The following SHROOM3 variants were observed in gnomAD, a reference collection of about 807,000 sequenced individuals.
The protein encoded by SHROOM3 is protein Shroom3.
Under a neutral mutation model 138.6 loss-of-function variants are expected in SHROOM3, and 47 were observed. The observed-to-expected ratio is 0.34, with a 90% CI of 0.27 to 0.43. The LOEUF is 0.43. SHROOM3 is among the 20% of genes least tolerant of loss of function. The pLI is 1.00. For missense variants in SHROOM3, 2,491 were observed against 2,596.5 expected, an observed-to-expected ratio of 0.96 and a Z score of 0.88; for synonymous variants, 1,062 against 1,063.3, an observed-to-expected ratio of 1.00 and a Z score of 0.02.
rs1264595048 is a variant in SHROOM3 at position 76,569,446 on chromosome 4, G to T, written c.323+13683G>T. 3.3e-5 allele frequency among the ~76,000 whole-genome samples: 5 copies of T among 152,164 alleles called. No homozygotes were observed. In the East Asian group the frequency reaches 9.6e-4, roughly 29 times the overall value. The stretch of plus-strand genomic sequence containing the variant: ...GAAAGGACTTAGCCTCAGGTCACAG[G>T]TCTAGTAAACCACAGAATGAGGAAG... On this transcript the variant is annotated intron_variant, in intron 2 of 10. Transcript: ENST00000296043.
intron 1 of SHROOM3, among the ~76,000 whole-genome samples, chr4:76,490,785 G>A (rs1467880424): frequency 2.0e-5 from 3 of 152,098 alleles, no homozygotes; most frequent in Non-Finnish European, 4.4e-5. Flanking sequence ...AAAAATAATA[G>A]CAAGAAACAA....
intron 1 of SHROOM3, among the ~76,000 whole-genome samples, chr4:76,451,143 C>T (rs2109969738): frequency 6.6e-6 from 1 of 152,146 alleles, no homozygotes; most frequent in African/African-American, 2.4e-5. Context: ...AAAGATGGGG[C>T]TTCGCCATGT....
At chr4:76,583,491 A>T (rs1309982095) in intron 2 of SHROOM3, among the ~76,000 whole-genome samples, 1 of 152,202 alleles carries the variant, frequency 6.6e-6, no homozygotes, top group African/African-American at 2.4e-5. Context: ...CTCACATCAG[A>T]TAGGTACCCA....
chr4:76,662,007 T>C (rs1718514045), intron 2 of SHROOM3, among the ~76,000 whole-genome samples: 1 of 152,198 alleles, frequency 6.6e-6, no homozygotes, highest in Non-Finnish European at 1.5e-5. Context: ...GTACTGGCAG[T>C]TGTGTTAGTT....
At chr4:76,634,874 A>G (rs932752687) in intron 2 of SHROOM3, among the ~76,000 whole-genome samples, 1 of 152,230 alleles carries the variant, frequency 6.6e-6, no homozygotes, top group Admixed American at 6.5e-5. Flanking sequence ...TAAAAGCAGA[A>G]TTGATAGACC....
chr4:76,610,952 C>T (rs1324265085), intron 2 of SHROOM3, among the ~76,000 whole-genome samples: 1 of 152,100 alleles, frequency 6.6e-6, no homozygotes, highest in Admixed American at 6.5e-5. Flanking sequence ...AAATGAGAAA[C>T]TATTTCACAA....
rs531797026 is a variant in SHROOM3 at position 76,738,966 on chromosome 4, A to G, written c.793A>G (p.Thr265Ala). Residue 265 changes from threonine (T) to alanine (A), a missense_variant, in exon 5 of 11, where the codon ACC (threonine) becomes GCC (alanine). Transcript: ENST00000296043. ...AGACTCGGCTTACAGCTCTTTCTCC[A>G]CCAGTTCTAGCATCCTAGAGTATCC... Reference protein sequence around the residue: ...KRDSAYSSFSTSSSILEYPHP... With the variant: ...KRDSAYSSFSASSSILEYPHP... 6.2e-7 allele frequency: 1 copy of G among 1,614,124 alleles called. No individual in the cohort carries two copies. Among genetic ancestry groups the G allele is most frequent in the South Asian group, 1.1e-5 (1 of 91,086 alleles).
At chr4:76,751,399 A>C (rs1721618827) in intron 6 of SHROOM3, among the ~76,000 whole-genome samples, 1 of 152,210 alleles carries the variant, frequency 6.6e-6, no homozygotes, top group Non-Finnish European at 1.5e-5. Context: ...GTGCTTTTTA[A>C]AAAACATAAA....
At chr4:76,570,156 A>AACACACACAC (rs57079760) in intron 2 of SHROOM3, among the ~76,000 whole-genome samples, 112 of 149,494 alleles carry the variant, frequency 7.5e-4, no homozygotes, top group African/African-American at 2.7e-3. Context: ...GAAATGTTAA[A>AACACACACAC]ACACACACAC....
At chr4:76,436,878 A>G (rs539342209) in intron 1 of SHROOM3, among the ~76,000 whole-genome samples, 4 of 152,266 alleles carry the variant, frequency 2.6e-5, no homozygotes, top group Non-Finnish European at 5.9e-5. Context: ...TAATATTTCT[A>G]TTTTTCTCTT....
At chr4:76,622,228 G>A (rs1735022214) in intron 2 of SHROOM3, among the ~76,000 whole-genome samples, 2 of 151,954 alleles carry the variant, frequency 1.3e-5, no homozygotes, top group Non-Finnish European at 2.9e-5. Context: ...TTTCCCCTAG[G>A]CACTTTTTCT....
intron 1 of SHROOM3, among the ~76,000 whole-genome samples, chr4:76,442,040 A>G (rs1252018396): frequency 2.0e-5 from 3 of 152,126 alleles, no homozygotes; most frequent in Non-Finnish European, 4.4e-5. Context: ...GCTTTTTATT[A>G]TACAGGTATA....
At chr4:76,504,078 A>T (rs1325620629) in intron 1 of SHROOM3, among the ~76,000 whole-genome samples, 1 of 152,190 alleles carries the variant, frequency 6.6e-6, no homozygotes, top group African/African-American at 2.4e-5. Flanking sequence ...AGGAAGAGAC[A>T]ACTGTAAGAG....
intron 2 of SHROOM3, among the ~76,000 whole-genome samples, chr4:76,560,838 T>C (rs1051704156): frequency 6.6e-6 from 1 of 152,236 alleles, no homozygotes; most frequent in Non-Finnish European, 1.5e-5. Context: ...TCTGATGGCA[T>C]AGGCACTAGC....
At chr4:76,503,326 G>T (rs748525882) in intron 1 of SHROOM3, among the ~76,000 whole-genome samples, 1 of 152,092 alleles carries the variant, frequency 6.6e-6, no homozygotes, top group Non-Finnish European at 1.5e-5. Flanking sequence ...GTGGTTATCA[G>T]TGTAAAGTTC....
chr4:76,663,999 A>C (rs114860388), intron 2 of SHROOM3, among the ~76,000 whole-genome samples: 2 of 152,188 alleles, frequency 1.3e-5, no homozygotes, highest in Non-Finnish European at 2.9e-5. Flanking sequence ...ACAATTTCTT[A>C]TCTGGCCTAT....
chr4:76,748,854 T>A (rs1016289496), intron 5 of SHROOM3, among the ~76,000 whole-genome samples, 163 bp from the exon 6 acceptor site: 1 of 145,588 alleles, frequency 6.9e-6, no homozygotes, highest in Admixed American at 6.9e-5. Context: ...TCGGCTTATC[T>A]CCTGCATCGA....
intron 3 of SHROOM3, among the ~76,000 whole-genome samples, chr4:76,720,789 T>C (rs1391071504): frequency 1.3e-5 from 2 of 151,506 alleles, no homozygotes; most frequent in East Asian, 4.0e-4. Flanking sequence ...TTTTTGTATT[T>C]TTACTAGAGA....
rs1175908021 is a variant in SHROOM3 at position 76,782,862 on chromosome 4, T to C, written c.*3685T>C. On this transcript the variant is annotated 3_prime_UTR_variant, in exon 11 of 11. Transcript: ENST00000296043. ...ACTCTTTGGGATGCATAGGATAAAATGATAAAGACCATTTTAATATCAGAA... is the reference window on the plus strand; with the variant it reads ...ACTCTTTGGGATGCATAGGATAAAACGATAAAGACCATTTTAATATCAGAA... The C allele has an allele frequency of 6.6e-6, 1 of 152,204 alleles. No individual in the cohort carries two copies. The highest frequency in any genetic ancestry group is 2.1e-4 in the South Asian group (1 of 4,830). The allele number at this position is 152,204 out of a possible 1,614,324, so 9.4% of individuals were successfully genotyped here.
Sources: allele counts gnomAD v4.1 joint callset (sites outside exome capture counted in the v4.1 genomes callset), GRCh38; gene constraint gnomAD v4.1.1; transcripts MANE v1.5; gene names NCBI Gene and HGNC (gene_info 2026-07-23, HGNC 2026-07-21).